C12orf75: variants seen among roughly 807,000 people sequenced by gnomAD.
The protein encoded by C12orf75 is overexpressed in colon carcinoma 1 protein.
C12orf75 carries 4 observed loss-of-function variants against 11.4 expected under a neutral mutation model. The ratio of observed to expected loss-of-function variants is 0.35; its 90% CI spans 0.17 to 0.80. C12orf75 has a LOEUF of 0.80. C12orf75 is among the 30% of genes least tolerant of loss of function. C12orf75 has a pLI of 0.52. For missense variants in C12orf75, 89 were observed against 80.4 expected (o/e 1.11, Z -0.41); for synonymous variants, 30 against 30.0 (o/e 1.00, Z 0.00).
At chr12:105,368,848 G>A (rs1219959744) in intron 5 of C12orf75, among the ~76,000 whole-genome samples, 1 of 152,124 alleles carries the variant, frequency 6.6e-6, no homozygotes. Flanking sequence ...TTATCCCCTC[G>A]TACCCATGAA....
intron 3 of C12orf75, 129 bp downstream of exon 3, chr12:105,365,971 T>G: frequency 1.4e-6 from 1 of 725,568 alleles, no homozygotes; most frequent in Non-Finnish European, 2.5e-6. Flanking sequence ...AGAATACAGG[T>G]AGGGGCATAT....
rs1304289590 is a variant in C12orf75, at chr12:105,330,747, G to GGGAGGGGGCGGCCCCC, written c.-144_-129dup. 7.6e-6 allele frequency: 6 copies of GGGAGGGGGCGGCCCCC among 785,608 alleles called. No homozygotes were observed. Among genetic ancestry groups the GGGAGGGGGCGGCCCCC allele is most frequent in the Non-Finnish European group, 8.3e-6 (5 of 598,930 alleles). The allele number at this position is 785,608 out of a possible 1,614,324, so 48.7% of individuals were successfully genotyped here. On this transcript the variant is annotated 5_prime_UTR_variant, in exon 1 of 6. Transcript: ENST00000443585. ...GCCCCGGGCCGCGTCTCCCGGCGGT[G>GGGAGGGGGCGGCCCCC]GGAGGGGGCGGCCCCCACTCGGTTC...
At chr12:105,352,490 T>C (rs962099595) in intron 2 of C12orf75, among the ~76,000 whole-genome samples, 2 of 152,232 alleles carry the variant, frequency 1.3e-5, no homozygotes. Flanking sequence ...AATTCAGTTA[T>C]TATTCTACCA....
intron 1 of C12orf75, among the ~76,000 whole-genome samples, chr12:105,338,705 A>G (rs1485560989): frequency 6.6e-6 from 1 of 151,796 alleles, no homozygotes; most frequent in Non-Finnish European, 1.5e-5. Context: ...CAGAGATCAC[A>G]TGGCAAGAGT....
chr12:105,333,424 C>T (rs982852364), intron 1 of C12orf75, among the ~76,000 whole-genome samples: 3 of 152,144 alleles, frequency 2.0e-5, no homozygotes, highest in Non-Finnish European at 2.9e-5. Context: ...CAATACGAAA[C>T]GCGTTAAAGA....
chr12:105,351,796 G>A (rs1892717297), intron 2 of C12orf75, among the ~76,000 whole-genome samples: 1 of 152,190 alleles, frequency 6.6e-6, no homozygotes, highest in African/African-American at 2.4e-5. Context: ...AGATGAGGTT[G>A]ATGGGCAGGG....
At chr12:105,348,679 GT>G in intron 2 of C12orf75, 53 bp downstream of exon 2, 1 of 1,281,966 alleles carries the variant, frequency 7.8e-7, no homozygotes, top group Non-Finnish European at 1.1e-6. Context: ...GGAAGTTGCT[GT>G]TTTTCATGAT....
rs956069872 is a variant in C12orf75 at position 105,341,483 on chromosome 12, T to A, written c.47-7119T>A. ...TATTGCGCTTCCAGGTTGCCACACT[T>A]CTGTCAGCTATAGATTTGGGGGTCT... On this transcript the variant is annotated intron_variant, in intron 1 of 5. Transcript: ENST00000443585. 5.9e-5 allele frequency among the ~76,000 whole-genome samples: 9 copies of A among 152,318 alleles called. No individual in the cohort carries two copies. The East Asian group carries it at 1.2e-3, about 20-fold the overall frequency.
chr12:105,347,512 G>A (rs1313489619), intron 1 of C12orf75, among the ~76,000 whole-genome samples: 1 of 152,184 alleles, frequency 6.6e-6, no homozygotes, highest in Admixed American at 6.5e-5. Flanking sequence ...TCCGATATTC[G>A]AGGGCAGGAA....
At chr12:105,362,264 A>G (rs1331941768) in intron 2 of C12orf75, among the ~76,000 whole-genome samples, 1 of 150,810 alleles carries the variant, frequency 6.6e-6, no homozygotes, top group Non-Finnish European at 1.5e-5. Flanking sequence ...GGGCGCCTGT[A>G]GTCCCAGCTA....
chr12:105,346,156 C>A (rs1162811480), intron 1 of C12orf75, among the ~76,000 whole-genome samples: 3 of 151,990 alleles, frequency 2.0e-5, no homozygotes, highest in Non-Finnish European at 4.4e-5. Flanking sequence ...TGGAAACAAC[C>A]CCCCACACCC....
At position 105,366,565 on chromosome 12, in the gene C12orf75, T is replaced by G; in HGVS notation, c.108-52T>G. ...TTGGAGTACTCCGTGCTTCTGTTGCTTCCTGTAAATAGATAGTACCATTTA... is the reference window on the plus strand; with the variant it reads ...TTGGAGTACTCCGTGCTTCTGTTGCGTCCTGTAAATAGATAGTACCATTTA... On this transcript the variant is annotated intron_variant, in intron 3 of 5. Transcript: ENST00000443585. 5 of 858,318 alleles carry G rather than the reference T, an allele frequency of 5.8e-6. No individual in the cohort carries two copies. In the South Asian group the frequency reaches 8.6e-5, roughly 15 times the overall value. The allele number at this position is 858,318 out of a possible 1,614,324, so 53.2% of individuals were successfully genotyped here. A position where few individuals can be genotyped will look rare whatever the true frequency, so the allele number is the denominator to read the frequency against.
intron 1 of C12orf75, among the ~76,000 whole-genome samples, chr12:105,348,386 G>C (rs905984277): frequency 6.9e-6 from 1 of 143,982 alleles, no homozygotes; most frequent in African/African-American, 2.6e-5. Context: ...CTGCACTCCA[G>C]CTTGGGCAAC....
chr12:105,362,158 G>A (rs548450989), intron 2 of C12orf75, among the ~76,000 whole-genome samples: 1,702 of 151,914 alleles, frequency 0.011, 21 homozygotes, highest in Non-Finnish European at 0.016. Flanking sequence ...AGGCCGAGGC[G>A]GGCGGATCAC....
At chr12:105,343,388 C>T (rs1892597029) in intron 1 of C12orf75, among the ~76,000 whole-genome samples, 1 of 152,058 alleles carries the variant, frequency 6.6e-6, no homozygotes. Context: ...ATCCTTGTGG[C>T]CTGGAAAAAA....
intron 2 of C12orf75, among the ~76,000 whole-genome samples, chr12:105,350,368 G>T (rs1892696449): frequency 6.6e-6 from 1 of 152,238 alleles, no homozygotes; most frequent in Non-Finnish European, 1.5e-5. Context: ...AGAGCCCAGG[G>T]CTGGGAGGGC....
rs1871607829 is a variant in C12orf75, at chr12:105,370,904, T to C, written c.*304T>C. The C allele has an allele frequency of 3.1e-6, 1 of 322,710 alleles. No homozygotes were observed. The highest frequency in any genetic ancestry group is 6.2e-6 in the Non-Finnish European group (1 of 160,488). 20.0% of individuals were successfully genotyped at this position (322,710 alleles called of 1,614,324 possible). On this transcript the variant is annotated 3_prime_UTR_variant, in exon 6 of 6. Coordinates refer to ENST00000443585, the MANE Select transcript of C12orf75 (RefSeq NM_001145199.2). ...GTTGCCCAGCCAGGGCCGCTGCATT[T>C]TGACAACATTTCCACCCTGGCCACT... is the stretch of plus-strand genomic sequence containing the variant.
intron 1 of C12orf75, among the ~76,000 whole-genome samples, chr12:105,346,282 C>T (rs953518493): frequency 5.9e-5 from 9 of 152,150 alleles, no homozygotes; most frequent in Admixed American, 1.3e-4. Flanking sequence ...ACCTTGGACA[C>T]GTGTTCTCCA....
chr12:105,367,460 TTTCTCTTTAAGATTAG>T lies in C12orf75; in HGVS notation c.188-11_192del, dbSNP rs1216165192. 5 of 832,642 alleles carry T rather than the reference TTTCTCTTTAAGATTAG, an allele frequency of 6.0e-6. No homozygotes were observed. The African/African-American group carries it at 8.6e-5, about 14-fold the overall frequency. 51.6% of individuals were successfully genotyped at this position (832,642 alleles called of 1,614,324 possible). On this transcript the variant is annotated splice_acceptor_variant and splice_polypyrimidine_tract_variant and coding_sequence_variant and intron_variant, in exon 5 of 6. Coordinates refer to ENST00000443585, the MANE Select transcript of C12orf75 (RefSeq NM_001145199.2). LOFTEE classifies it high-confidence loss of function. ...ATCTGAACATTTAACTTTTCTTAAT[TTTCTCTTTAAGATTAG>T]AAGAAAATAACATCATGACTCAAGA...
Sources: allele counts gnomAD v4.1 joint callset (sites outside exome capture counted in the v4.1 genomes callset), GRCh38; gene constraint gnomAD v4.1.1; transcripts MANE v1.5; gene names NCBI Gene and HGNC (gene_info 2026-07-23, HGNC 2026-07-21).